Variants in CNTN4 observed in about 807,000 individuals in gnomAD.
The protein encoded by CNTN4 is contactin 4.
Under a neutral mutation model 122.5 loss-of-function variants are expected in CNTN4, and 77 were observed. The ratio of observed to expected loss-of-function variants is 0.63; its 90% confidence interval spans 0.52 to 0.76. The LOEUF (loss-of-function observed/expected upper bound fraction) is 0.76, where lower values mean the gene tolerates loss of function less well. CNTN4 is among the 30% of genes least tolerant of loss of function. The probability of loss-of-function intolerance (pLI) is 0.00; values close to 1 mark genes in which losing one functional copy is unlikely to be tolerated. For synonymous variants in CNTN4, 512 were observed against 447.0 expected (o/e 1.15, Z -1.83); for missense variants, 1,256 against 1,259.1 (o/e 1.00, Z 0.04).
At chr3:2,720,471 A>G (rs2149390945) in intron 4 of CNTN4, among the ~76,000 whole-genome samples, 1 of 152,262 alleles carries the variant, frequency 6.6e-6, no homozygotes, top group African/African-American at 2.4e-5. Flanking sequence ...ATTTTTATGT[A>G]CCCAACTGAG....
intron 2 of CNTN4, among the ~76,000 whole-genome samples, chr3:2,122,080 G>C (rs1210530034): frequency 1.3e-5 from 2 of 151,816 alleles, no homozygotes; most frequent in Admixed American, 1.3e-4. Flanking sequence ...GCGGGAACCC[G>C]GGAGGCGGAG....
chr3:2,124,849 G>T lies in CNTN4; in HGVS notation c.-145+24210G>T, dbSNP rs186840419. Among the ~76,000 whole-genome samples the T allele has an allele frequency of 1.6e-4, 25 of 152,316 alleles. No individual in the cohort carries two copies. The East Asian group carries it at 4.8e-3, about 29-fold the overall frequency. ...TACACAGATTTAATGTATACAATTT[G>T]CGGATTTTAATATATGCAAAGATGC... On this transcript the variant is annotated intron_variant, in intron 2 of 24. Coordinates refer to ENST00000418658, the MANE Select transcript of CNTN4 (RefSeq NM_175607.3).
At chr3:2,821,381 T>C (rs936592003) in intron 7 of CNTN4, among the ~76,000 whole-genome samples, 1 of 152,228 alleles carries the variant, frequency 6.6e-6, no homozygotes, top group Admixed American at 6.5e-5. Context: ...GGATGAGGCA[T>C]GAAGTCTGCA....
At chr3:2,379,352 A>G (rs559079212) in intron 3 of CNTN4, among the ~76,000 whole-genome samples, 16 of 152,004 alleles carry the variant, frequency 1.1e-4, no homozygotes, top group Middle Eastern at 3.4e-3. Context: ...AGATCTGCCT[A>G]TTATAGAAGG....
chr3:2,950,798 C>A (rs762806390), intron 13 of CNTN4, among the ~76,000 whole-genome samples: 1 of 152,220 alleles, frequency 6.6e-6, no homozygotes, highest in African/African-American at 2.4e-5. Flanking sequence ...TCTATTTCCA[C>A]AGCCCATGAA....
At chr3:2,512,431 A>G (rs1382390731) in intron 3 of CNTN4, among the ~76,000 whole-genome samples, 2 of 152,194 alleles carry the variant, frequency 1.3e-5, no homozygotes, top group Admixed American at 6.5e-5. Context: ...CATCTATCAA[A>G]TTAATATTTA....
rs1000606285 is a variant in CNTN4, at chr3:2,157,859, CAAAT to C, written c.-145+57225_-145+57228del. ...TTAATAATCTTTCACACATAGCTAT[CAAAT>C]AAATCATTGTTTTCATTTAAGAAAC... On this transcript the variant is annotated intron_variant, in intron 2 of 24. Coordinates refer to ENST00000418658, the MANE Select transcript of CNTN4 (RefSeq NM_175607.3). Among the ~76,000 whole-genome samples the C allele has an allele frequency of 3.3e-5, 5 of 152,098 alleles. No individual in the cohort carries two copies. The East Asian group carries it at 5.8e-4, about 18-fold the overall frequency.
At chr3:2,699,430 ATC>A (rs2086233389) in intron 4 of CNTN4, among the ~76,000 whole-genome samples, 1 of 152,250 alleles carries the variant, frequency 6.6e-6, no homozygotes, top group South Asian at 2.1e-4. Context: ...CATGAAAAAA[ATC>A]TACCTGACAT....
At chr3:2,654,751 T>C (rs1019042297) in intron 4 of CNTN4, among the ~76,000 whole-genome samples, 3 of 152,186 alleles carry the variant, frequency 2.0e-5, no homozygotes, top group Non-Finnish European at 4.4e-5. Context: ...TTTCTTACCC[T>C]AGCAAATACA....
chr3:2,186,135 G>A (rs562740484), intron 2 of CNTN4, among the ~76,000 whole-genome samples: 2 of 136,744 alleles, frequency 1.5e-5, no homozygotes, highest in Non-Finnish European at 3.0e-5. Flanking sequence ...CTGTGTCCAA[G>A]TGTTCTCATT....
chr3:2,333,778 T>G (rs992867196), intron 2 of CNTN4, among the ~76,000 whole-genome samples: 8 of 152,222 alleles, frequency 5.3e-5, no homozygotes, highest in African/African-American at 1.9e-4. Flanking sequence ...ATTAGTTTAA[T>G]AACCCTGATG....
chr3:2,592,590 T>G lies in CNTN4; in HGVS notation c.55+21032T>G, dbSNP rs149409876. Reference sequence around the variant, plus strand: ...AAAACGGGAGTTTCTCTGCACAAACTCTCTCTTTTTGCCTGCCAACATCCA... The same window carrying G: ...AAAACGGGAGTTTCTCTGCACAAACGCTCTCTTTTTGCCTGCCAACATCCA... On this transcript the variant is annotated intron_variant, in intron 4 of 24. Transcript: ENST00000418658. 1.3e-3 allele frequency among the ~76,000 whole-genome samples: 199 copies of G among 152,250 alleles called. 2 individuals are homozygous for G. Among genetic ancestry groups the G allele is most frequent in the African/African-American group, 4.5e-3 (185 of 41,542 alleles).
At chr3:2,872,235 C>A (rs2093794610) in intron 8 of CNTN4, among the ~76,000 whole-genome samples, 1 of 152,160 alleles carries the variant, frequency 6.6e-6, no homozygotes, top group Non-Finnish European at 1.5e-5. Flanking sequence ...ATTGGCTCTT[C>A]TGTCTTTAGC....
chr3:2,919,146 C>T (rs911058898), intron 12 of CNTN4, among the ~76,000 whole-genome samples: 1 of 150,852 alleles, frequency 6.6e-6, no homozygotes, highest in Non-Finnish European at 1.5e-5. Context: ...GAGTTCAAGA[C>T]CAGCCTGGCC....
In CNTN4 at chr3:2,871,850, G is replaced by A. The variant is rs559828951; in HGVS notation, c.652+4901G>A. Among the ~76,000 whole-genome samples the A allele has an allele frequency of 2.0e-5, 3 of 152,202 alleles. No individual in the cohort carries two copies. The South Asian group carries it at 6.2e-4, about 32-fold the overall frequency. ...ATTACTTTGCAGTATTCACTTCTGG[G>A]ACACATAAAAATATGAGTTGGTAGA... On this transcript the variant is annotated intron_variant, in intron 8 of 24. Coordinates refer to ENST00000418658, the MANE Select transcript of CNTN4 (RefSeq NM_175607.3).
chr3:2,877,327 C>T (rs1425149507), intron 8 of CNTN4, among the ~76,000 whole-genome samples: 1 of 152,208 alleles, frequency 6.6e-6, no homozygotes, highest in African/African-American at 2.4e-5. Flanking sequence ...AACTAAGCCC[C>T]TGTCTTCTAA....
At position 2,858,708 on chromosome 3, in the gene CNTN4, GAA is replaced by G. The variant is rs36049980; in HGVS notation, c.455-8034_455-8033del. Among the ~76,000 whole-genome samples, 314 of 136,182 alleles carry G rather than the reference GAA, an allele frequency of 2.3e-3. 1 individual carries two copies. The highest frequency in any genetic ancestry group is 7.9e-3 in the African/African-American group (294 of 37,134). The allele number at this position is 136,182 out of a possible 152,430, so 89.3% of individuals were successfully genotyped here. On this transcript the variant is annotated intron_variant, in intron 7 of 24. Coordinates refer to ENST00000418658, the MANE Select transcript of CNTN4 (RefSeq NM_175607.3). ...AGTGACAGAGTGAGACCCTGTCTCA[GAA>G]AAAAAAAAAGAAAAAGAAAAAGAAA... is the stretch of plus-strand genomic sequence containing the variant.
At chr3:3,006,143 T>TG (rs1418211638) in intron 14 of CNTN4, among the ~76,000 whole-genome samples, 1 of 152,172 alleles carries the variant, frequency 6.6e-6, no homozygotes, top group Non-Finnish European at 1.5e-5. Flanking sequence ...CCCAAGGTGC[T>TG]GGGATTACAG....
At chr3:2,356,534 T>A (rs1301959980) in intron 3 of CNTN4, among the ~76,000 whole-genome samples, 1 of 152,146 alleles carries the variant, frequency 6.6e-6, no homozygotes, top group Non-Finnish European at 1.5e-5. Context: ...CAACCAGAGG[T>A]CACTCTCTTC....
Sources: gnomAD v4.1 joint callset for allele counts (sites outside exome capture counted in the v4.1 genomes callset) on GRCh38, gnomAD v4.1.1 for gene constraint, MANE v1.5 for transcripts, NCBI Gene and HGNC (gene_info 2026-07-23, HGNC 2026-07-21) for gene names.